Variants in FSIP2 observed in about 807,000 individuals in gnomAD.
The protein encoded by FSIP2 is fibrous sheath interacting protein 2.
Under a neutral mutation model 510.5 loss-of-function variants are expected in FSIP2, and 367 were observed. That is an observed-to-expected ratio of 0.72 (90% confidence interval 0.66 to 0.78). The LOEUF is 0.78. Ranked by LOEUF, FSIP2 falls within the 30% of genes least tolerant of loss-of-function variation. The pLI, the probability that FSIP2 is intolerant of heterozygous loss-of-function variation, is 0.00. For missense variants in FSIP2, 7,594 were observed against 7,901.7 expected (o/e 0.96, Z 1.48); for synonymous variants, 2,601 against 2,732.2 (o/e 0.95, Z 1.50).
rs955630591 is a variant in FSIP2, at chr2:185,808,709, A to G, written c.19403A>G (p.Asp6468Gly). ...GATGGAGTTTCAAGTTTTCCATTAG[A>G]TACAATTAACTCAACAATTTCAAAT... ...IIDGVSSFPLDTINSTISNAD... is the reference protein window; with the variant it reads ...IIDGVSSFPLGTINSTISNAD... The change falls in exon 17 of 23, where the codon GAT becomes GGT. Residue 6468 changes from aspartate to glycine, a missense_variant. By Grantham distance (94) the Asp-to-Gly change is moderately conservative. Transcript: ENST00000424728. 6.2e-7 allele frequency: 1 copy of G among 1,611,844 alleles called. No homozygotes were observed. The highest frequency in any genetic ancestry group is 2.2e-5 in the East Asian group (1 of 44,722).
intron 10 of FSIP2, 44 bp from the exon 11 acceptor site, chr2:185,761,928 C>A: frequency 1.9e-6 from 2 of 1,036,654 alleles, no homozygotes; most frequent in Non-Finnish European, 2.8e-6. Context: ...TTTGGAAGTA[C>A]AGTTACTAAT....
rs1288655787 is a variant in FSIP2, at chr2:185,802,549, G to T, written c.13243G>T (p.Asp4415Tyr). ...CAATTTAATTGTAGCAGCTATTTCAGATTACCTTCTTCATCCACTGTTTTC... is the reference window on the plus strand; with the variant it reads ...CAATTTAATTGTAGCAGCTATTTCATATTACCTTCTTCATCCACTGTTTTC... ...ITNLIVAAIS[D>Y]YLLHPLFSGD... Residue 4415 changes from aspartate (D) to tyrosine (Y), a missense_variant, in exon 17 of 23, where the codon GAT becomes TAT. Physicochemically the swap from Asp to Tyr is radical, Grantham distance 160. Coordinates refer to ENST00000424728, the MANE Select transcript of FSIP2 (RefSeq NM_173651.4). The T allele has an allele frequency of 2.0e-6, 3 of 1,529,868 alleles. No homozygotes were observed. The highest frequency in any genetic ancestry group is 2.6e-6 in the Non-Finnish European group (3 of 1,144,144). The allele number at this position is 1,529,868 out of a possible 1,614,324, so 94.8% of individuals were successfully genotyped here. A position where few individuals can be genotyped will look rare whatever the true frequency, so the allele number is the denominator to read the frequency against.
chr2:185,804,880 G>T lies in FSIP2; in HGVS notation c.15574G>T (p.Asp5192Tyr). The change falls in exon 17 of 23, where the codon GAC (aspartate) becomes TAC (tyrosine). Residue 5192 changes from aspartate to tyrosine, a missense_variant. By Grantham distance (160) the Asp-to-Tyr change is radical. Transcript: ENST00000424728. ...GTTAGAACCTATTGAAAATTTGGTC[G>T]ACTCCATATGTAATAATATTTTGAA... The part of the protein sequence containing the change: ...MQLEPIENLV[D>Y]SICNNILKTS... 6.6e-7 allele frequency: 1 copy of T among 1,522,002 alleles called. No individual in the cohort carries two copies. Among genetic ancestry groups the T allele is most frequent in the South Asian group, 1.2e-5 (1 of 81,444 alleles). The allele number at this position is 1,522,002 out of a possible 1,614,324, so 94.3% of individuals were successfully genotyped here.
chr2:185,829,026 A>C (rs1196014994), intron 21 of FSIP2, among the ~76,000 whole-genome samples: 2 of 151,882 alleles, frequency 1.3e-5, no homozygotes, highest in Non-Finnish European at 2.9e-5. Flanking sequence ...TCATTTATGA[A>C]TATAAGTATT....
At chr2:185,780,321 T>C (rs1449228965) in intron 13 of FSIP2, among the ~76,000 whole-genome samples, 1 of 152,006 alleles carries the variant, frequency 6.6e-6, no homozygotes, top group Non-Finnish European at 1.5e-5. Context: ...TCTCATGTCC[T>C]TTAACAACTT....
intron 13 of FSIP2, among the ~76,000 whole-genome samples, chr2:185,776,743 T>G (rs764597114): frequency 6.6e-6 from 1 of 152,156 alleles, no homozygotes; most frequent in Non-Finnish European, 1.5e-5. Flanking sequence ...TTTTTATTAT[T>G]ATTATTTTGA....
upstream of FSIP2, among the ~76,000 whole-genome samples, chr2:185,738,032 C>T (rs1456999614): frequency 2.6e-5 from 4 of 152,140 alleles, no homozygotes; most frequent in East Asian, 7.7e-4. Context: ...ACTGTTATTA[C>T]TAGTCGGGCC....
chr2:185,763,185 G>C lies in FSIP2; in HGVS notation c.1243G>C (p.Gly415Arg), dbSNP rs1328437987. The change falls in exon 12 of 23, where the codon GGT (glycine) becomes CGT (arginine). Residue 415 changes from glycine (G) to arginine (R), a missense_variant and splice_region_variant. Gly to Arg is a moderately radical substitution (Grantham distance 125, BLOSUM62 -2). Transcript: ENST00000424728. ...KNSSIFDDRG[G>R]INISGQGSII... Reference sequence around the variant, plus strand: ...AAAGTTATCTCTTCTTTCTCTAGGAGGTATAAATATTTCAGGCCAAGGTTC... The same window carrying C: ...AAAGTTATCTCTTCTTTCTCTAGGACGTATAAATATTTCAGGCCAAGGTTC... 1 of 1,329,198 alleles carries C rather than the reference G, an allele frequency of 7.5e-7. No individual in the cohort carries two copies. Among genetic ancestry groups the C allele is most frequent in the South Asian group, 1.3e-5 (1 of 79,406 alleles). The allele number at this position is 1,329,198 out of a possible 1,614,324, so 82.3% of individuals were successfully genotyped here.
intron 21 of FSIP2, 103 bp downstream of exon 21, chr2:185,828,302 A>T (rs1484908182): frequency 1.4e-6 from 1 of 694,010 alleles, no homozygotes; most frequent in African/African-American, 1.8e-5. Flanking sequence ...GATTTGAAGG[A>T]TATCAGAAAG....
Position 185,793,057 on chromosome 2 carries a change from A to G in FSIP2, c.5921A>G (p.Glu1974Gly), listed in dbSNP as rs764781619. The change falls in exon 16 of 23, where the codon GAG becomes GGG. Residue 1974 changes from glutamate (E) to glycine (G), a missense_variant. Glu to Gly is a moderately conservative substitution (Grantham distance 98). Coordinates refer to ENST00000424728, the MANE Select transcript of FSIP2 (RefSeq NM_173651.4). ...TCAGCCAAAGATTCATATTCTGATG[A>G]GCAATTTTCCTGTTGCTCAGTAGAT... ...ALSAKDSYSD[E>G]QFSCCSVDHT... The G allele has an allele frequency of 5.1e-5, 78 of 1,534,212 alleles. No individual in the cohort carries two copies. The South Asian group carries it at 9.2e-4, about 18-fold the overall frequency.
In FSIP2 at chr2:185,805,628, T is replaced by C. The variant is rs1188233268; in HGVS notation, c.16322T>C (p.Leu5441Ser). ...TGTGCAAAAGAGAACCAACTTTCTT[T>C]ACCAGATCAATCATATAAAGATACT... Reference protein sequence around the residue: ...SRCAKENQLSLPDQSYKDTSS... With the variant: ...SRCAKENQLSSPDQSYKDTSS... Residue 5441 changes from leucine to serine, a missense_variant, in exon 17 of 23, where the codon TTA becomes TCA. Leu to Ser is a moderately radical substitution (Grantham distance 145, BLOSUM62 -2). Transcript: ENST00000424728. 1.9e-6 allele frequency: 3 copies of C among 1,609,354 alleles called. No homozygotes were observed. The highest frequency in any genetic ancestry group is 1.3e-5 in the African/African-American group (1 of 74,626).
At chr2:185,784,999 C>G (rs1046379483) in intron 14 of FSIP2, among the ~76,000 whole-genome samples, 4 of 152,040 alleles carry the variant, frequency 2.6e-5, no homozygotes, top group African/African-American at 9.7e-5. Context: ...TACCTGTAGG[C>G]CTTTGCACTT....
chr2:185,759,245 A>G (rs1692302791), intron 9 of FSIP2, among the ~76,000 whole-genome samples: 1 of 150,668 alleles, frequency 6.6e-6, no homozygotes, highest in Admixed American at 6.7e-5. Context: ...GTTGAATTGT[A>G]TCATACTTTT....
In FSIP2 at chr2:185,791,511, A is replaced by T. The variant is rs757164513; in HGVS notation, c.4375A>T (p.Ser1459Cys). 71 of 1,534,380 alleles carry T rather than the reference A, an allele frequency of 4.6e-5. No individual in the cohort carries two copies. The highest frequency in any genetic ancestry group is 6.0e-5 in the Non-Finnish European group (69 of 1,145,642). Residue 1459 changes from serine (S) to cysteine (C), a missense_variant, in exon 16 of 23, where the codon AGT becomes TGT. Physicochemically the swap from Ser to Cys is moderately radical, Grantham distance 112. Coordinates refer to ENST00000424728, the MANE Select transcript of FSIP2 (RefSeq NM_173651.4). ...GTHLHSQLSC[S>C]QQSREMTNKN... ...CCATCTTCATTCTCAGCTATCTTGT[A>T]GTCAACAAAGCAGAGAGATGACCAA...
At chr2:185,745,911 T>G (rs1346995245) in intron 5 of FSIP2, among the ~76,000 whole-genome samples, 1 of 152,088 alleles carries the variant, frequency 6.6e-6, no homozygotes, top group Non-Finnish European at 1.5e-5. Context: ...TTTGAGGAAG[T>G]TAGTGCAAAG....
rs1198869308 is a variant in FSIP2 at position 185,820,141 on chromosome 2, TG to T, written c.20427-4291del. Among the ~76,000 whole-genome samples, 16 of 152,072 alleles carry T rather than the reference TG, an allele frequency of 1.1e-4. No individual in the cohort carries two copies. The South Asian group carries it at 2.1e-3, about 20-fold the overall frequency. On this transcript the variant is annotated intron_variant, in intron 19 of 22. Transcript: ENST00000424728. The stretch of plus-strand genomic sequence containing the variant: ...CCCACATGTCGTGAGAAGGACCAGG[TG>T]GAAGGTAATTGAATCATTGGGGTGA...
Position 185,795,228 on chromosome 2 carries a change from G to A in FSIP2, c.8092G>A (p.Gly2698Arg). 2.0e-6 allele frequency: 3 copies of A among 1,535,086 alleles called. No individual in the cohort carries two copies. The highest frequency in any genetic ancestry group is 1.2e-5 in the South Asian group (1 of 84,046). Residue 2698 changes from glycine (G) to arginine (R), a missense_variant, in exon 16 of 23, where the codon GGA becomes AGA. Physicochemically the swap from Gly to Arg is moderately radical, Grantham distance 125. Transcript: ENST00000424728. The part of the protein sequence containing the change: ...KAKSKTKLGP[G>R]EKTLKDSRSK... The stretch of plus-strand genomic sequence containing the variant: ...CAAAAGCAAAACCAAGTTAGGTCCT[G>A]GAGAGAAGACCCTAAAAGACAGCAG...
chr2:185,749,145 T>C (rs1692094134), intron 7 of FSIP2, among the ~76,000 whole-genome samples: 1 of 152,022 alleles, frequency 6.6e-6, no homozygotes, highest in Non-Finnish European at 1.5e-5. Context: ...TGTATTTCCA[T>C]ATAAATTATA....
At position 185,795,895 on chromosome 2, in the gene FSIP2, T is replaced by C; in HGVS notation, c.8759T>C (p.Ile2920Thr). The change falls in exon 16 of 23, where the codon ATT (isoleucine) becomes ACT (threonine). Residue 2920 changes from isoleucine (I) to threonine (T), a missense_variant. By Grantham distance (89) the Ile-to-Thr change is moderately conservative. Transcript: ENST00000424728. ...CAAATTAATATGTTTGGAAGGGAAA[T>C]TGTTGAAATGCTACTTGAAAAACTA... is the stretch of plus-strand genomic sequence containing the variant. ...KAQINMFGRE[I>T]VEMLLEKLQL... is the part of the protein sequence containing the mutation. The C allele has an allele frequency of 6.5e-7, 1 of 1,533,544 alleles. No homozygotes were observed. Among genetic ancestry groups the C allele is most frequent in the Non-Finnish European group, 8.7e-7 (1 of 1,145,654 alleles). The allele number at this position is 1,533,544 out of a possible 1,614,324, so 95.0% of individuals were successfully genotyped here.
Sources: gnomAD v4.1 joint callset for allele counts (sites outside exome capture counted in the v4.1 genomes callset) on GRCh38, gnomAD v4.1.1 for gene constraint, MANE v1.5 for transcripts, NCBI Gene and HGNC (gene_info 2026-07-23, HGNC 2026-07-21) for gene names.